The following TENM2 variants were observed in gnomAD, a reference collection of about 807,000 sequenced individuals.
The protein encoded by TENM2 is teneurin transmembrane protein 2.
A neutral mutation model predicts 245.2 loss-of-function variants in TENM2; 52 were observed. That is an observed-to-expected ratio of 0.21 (90% confidence interval 0.17 to 0.27). The LOEUF is 0.27. TENM2 is among the 10% of genes least tolerant of loss of function. TENM2 has a pLI of 1.00. For synonymous variants in TENM2, 1,363 were observed against 1,438.9 expected, an observed-to-expected ratio of 0.95 and a Z score of 1.19; for missense variants, 3,046 against 3,666.8, an observed-to-expected ratio of 0.83 and a Z score of 4.37.
At chr5:167,500,899 T>C (rs1232819741) in intron 2 of TENM2, among the ~76,000 whole-genome samples, 2 of 152,110 alleles carry the variant, frequency 1.3e-5, no homozygotes, top group Admixed American at 1.3e-4. Context: ...CTAAATGTCC[T>C]CCTTAGTTTG....
intron 13 of TENM2, among the ~76,000 whole-genome samples, chr5:168,181,866 G>A (rs1365858713): frequency 2.0e-5 from 3 of 151,782 alleles, no homozygotes; most frequent in Non-Finnish European, 4.4e-5. Context: ...TAGTAGAGAC[G>A]GGGTTTCATC....
At chr5:167,529,682 G>A (rs1224495657) in intron 2 of TENM2, among the ~76,000 whole-genome samples, 1 of 152,198 alleles carries the variant, frequency 6.6e-6, no homozygotes, top group African/African-American at 2.4e-5. Flanking sequence ...ACAGAAATAA[G>A]TGACTGGGTT....
chr5:168,173,551 C>T (rs920132833), intron 13 of TENM2, among the ~76,000 whole-genome samples: 16 of 152,090 alleles, frequency 1.1e-4, no homozygotes, highest in Non-Finnish European at 1.5e-5. Context: ...GACCTCTTGT[C>T]ATTGATGGCA....
At chr5:167,081,281 G>A in the TENM2 span, among the ~76,000 whole-genome samples, 1 of 152,012 alleles carries the variant, frequency 6.6e-6, no homozygotes, top group East Asian at 2.0e-4. Context: ...CATAGATCAA[G>A]GTATTTATGA....
chr5:167,773,428 G>A (rs1326624802), intron 2 of TENM2, among the ~76,000 whole-genome samples: 1 of 152,150 alleles, frequency 6.6e-6, no homozygotes, highest in Non-Finnish European at 1.5e-5. Flanking sequence ...GTGGGAGGTG[G>A]CTGAGAAAAG....
chr5:167,150,650 AAACT>A, the TENM2 span, among the ~76,000 whole-genome samples: 1 of 152,202 alleles, frequency 6.6e-6, no homozygotes, highest in Non-Finnish European at 1.5e-5. Flanking sequence ...ATAATTGAGG[AAACT>A]AACATACATA....
intron 2 of TENM2, among the ~76,000 whole-genome samples, chr5:167,547,539 T>C (rs139505073): frequency 1.3e-5 from 2 of 152,366 alleles, no homozygotes; most frequent in Middle Eastern, 3.4e-3. Context: ...TTAATCATAA[T>C]GGAGATTCAT....
At chr5:168,117,558 A>G (rs1795171426) in intron 9 of TENM2, among the ~76,000 whole-genome samples, 1 of 152,246 alleles carries the variant, frequency 6.6e-6, no homozygotes, top group Non-Finnish European at 1.5e-5. Flanking sequence ...AACATAAATT[A>G]TGTGGATGTA....
At chr5:167,984,086 C>T (rs1783050860) in intron 4 of TENM2, among the ~76,000 whole-genome samples, 1 of 152,194 alleles carries the variant, frequency 6.6e-6, no homozygotes, top group African/African-American at 2.4e-5. Flanking sequence ...CTATCATTCT[C>T]AGCCTCCTAG....
At chr5:167,431,916 T>G (rs1239597281) in intron 2 of TENM2, among the ~76,000 whole-genome samples, 1 of 137,040 alleles carries the variant, frequency 7.3e-6, no homozygotes. Flanking sequence ...CAAGGTGTGA[T>G]ATATATATAT....
chr5:167,461,044 G>C (rs1766261612), intron 2 of TENM2, among the ~76,000 whole-genome samples: 1 of 152,140 alleles, frequency 6.6e-6, no homozygotes, highest in Admixed American at 6.6e-5. Context: ...GTAATTTTTA[G>C]TAGTAAAACA....
chr5:167,925,255 AT>A (rs1206509157), intron 3 of TENM2, among the ~76,000 whole-genome samples: 2 of 152,218 alleles, frequency 1.3e-5, no homozygotes, highest in African/African-American at 4.8e-5. Context: ...GTTATGCTGA[AT>A]GAAAGAAGTC....
intron 8 of TENM2, 98 bp downstream of exon 10, chr5:168,090,867 A>G (rs1245695627): frequency 6.8e-6 from 7 of 1,030,406 alleles, no homozygotes; most frequent in East Asian, 2.4e-5. Context: ...AGTTTCTACT[A>G]CAGATGACAA....
chr5:167,033,190 A>G, the TENM2 span, among the ~76,000 whole-genome samples: 1 of 152,242 alleles, frequency 6.6e-6, no homozygotes, highest in Admixed American at 6.5e-5. Context: ...TTAAAGTTAG[A>G]GTCAATAGTA....
intron 2 of TENM2, among the ~76,000 whole-genome samples, chr5:167,630,766 T>C (rs980830301): frequency 1.3e-5 from 2 of 152,028 alleles, no homozygotes; most frequent in African/African-American, 4.8e-5. Flanking sequence ...CATCTAAGAG[T>C]GTCACTACTC....
At chr5:167,855,763 G>A (rs1438030512) in intron 2 of TENM2, among the ~76,000 whole-genome samples, 29 of 133,270 alleles carry the variant, frequency 2.2e-4, no homozygotes, top group Middle Eastern at 4.1e-3. Flanking sequence ...GGAAGGAAGG[G>A]AGGGAGGGAA....
At chr5:168,189,085 A>T (rs1277404230) in intron 13 of TENM2, among the ~76,000 whole-genome samples, 2 of 152,248 alleles carry the variant, frequency 1.3e-5, no homozygotes, top group Non-Finnish European at 2.9e-5. Flanking sequence ...CACACATGGC[A>T]GAAAGAGTAC....
At chr5:167,970,299 A>G (rs1017966774) in intron 4 of TENM2, among the ~76,000 whole-genome samples, 3 of 152,184 alleles carry the variant, frequency 2.0e-5, no homozygotes, top group Non-Finnish European at 4.4e-5. Context: ...GTGGCCACTT[A>G]ATGCATTTTA....
the TENM2 span, among the ~76,000 whole-genome samples, chr5:167,075,350 C>G: frequency 6.6e-6 from 1 of 152,098 alleles, no homozygotes; most frequent in Admixed American, 6.5e-5. Flanking sequence ...TCATCCTAAC[C>G]TCATCATCTA....
Sources: gnomAD v4.1 joint callset for allele counts (sites outside exome capture counted in the v4.1 genomes callset) on GRCh38, gnomAD v4.1.1 for gene constraint, MANE v1.5 for transcripts, NCBI Gene and HGNC (gene_info 2026-07-23, HGNC 2026-07-21) for gene names.